RNF13: variants seen among roughly 807,000 people sequenced by gnomAD.
RNF13 encodes ring finger protein 13.
Under a neutral mutation model 37.7 loss-of-function variants are expected in RNF13, and 19 were observed. The observed-to-expected ratio is 0.50, with a 90% CI of 0.35 to 0.74. RNF13 has a LOEUF of 0.74. Ranked by LOEUF, RNF13 falls within the 30% of genes least tolerant of loss-of-function variation. The pLI is 0.01. For synonymous variants in RNF13, 144 were observed against 157.8 expected, an observed-to-expected ratio of 0.91 and a Z score of 0.65; for missense variants, 375 against 453.0, an observed-to-expected ratio of 0.83 and a Z score of 1.56.
chr3:149,939,206 CTT>C (rs1720003563), intron 8 of RNF13: 1 of 515,658 alleles, frequency 1.9e-6, no homozygotes, highest in African/African-American at 2.0e-5. Flanking sequence ...TCTGATTTGA[CTT>C]CTGTGCATTT....
intron 1 of RNF13, among the ~76,000 whole-genome samples, chr3:149,814,594 C>T (rs909779032): frequency 2.0e-5 from 3 of 152,022 alleles, no homozygotes; most frequent in African/African-American, 7.3e-5. Context: ...TACCAGAGGA[C>T]ATTGTATGGA....
intron 3 of RNF13, among the ~76,000 whole-genome samples, chr3:149,853,482 GA>G (rs1723336216): frequency 6.6e-6 from 1 of 151,386 alleles, no homozygotes; most frequent in Non-Finnish European, 1.5e-5. Context: ...GAGAGAGAGA[GA>G]GAGAGAGAGA....
chr3:149,947,439 C>T (rs1266013331), intron 8 of RNF13, among the ~76,000 whole-genome samples: 2 of 150,080 alleles, frequency 1.3e-5, no homozygotes, highest in Non-Finnish European at 3.0e-5. Flanking sequence ...GAGTTTCGCT[C>T]TTTTGCCCAA....
chr3:149,830,837 A>G (rs1255779819), intron 1 of RNF13, among the ~76,000 whole-genome samples: 2 of 152,250 alleles, frequency 1.3e-5, no homozygotes, highest in African/African-American at 2.4e-5. Flanking sequence ...CTAGGAGGAA[A>G]AAATGGCTTG....
intron 1 of RNF13, among the ~76,000 whole-genome samples, chr3:149,844,988 G>C (rs1368450644): frequency 6.6e-6 from 1 of 151,842 alleles, no homozygotes; most frequent in Non-Finnish European, 1.5e-5. Context: ...CAATCCCTAG[G>C]CAACCACTAA....
intron 7 of RNF13, among the ~76,000 whole-genome samples, chr3:149,917,033 C>T (rs953626930): frequency 7.2e-5 from 11 of 152,064 alleles, no homozygotes; most frequent in Non-Finnish European, 2.9e-5. Flanking sequence ...GTTTCTTTAT[C>T]ACTCTTAATG....
intron 4 of RNF13, among the ~76,000 whole-genome samples, chr3:149,893,030 A>C (rs1471741378): frequency 6.6e-6 from 1 of 152,224 alleles, no homozygotes; most frequent in East Asian, 1.9e-4. Context: ...CCAGTTCTAC[A>C]CAGGGTCAAG....
At position 149,929,909 on chromosome 3, in the gene RNF13, G is replaced by A. The variant is rs114744105; in HGVS notation, c.700+8682G>A. Reference sequence around the variant, plus strand: ...TCTATTCTTTCACCAGTACCACACCGCCTTGATTACTGTACTTTTGTTTTG... The same window carrying A: ...TCTATTCTTTCACCAGTACCACACCACCTTGATTACTGTACTTTTGTTTTG... On this transcript the variant is annotated intron_variant, in intron 8 of 9. Coordinates refer to ENST00000392894, the MANE Select transcript of RNF13 (RefSeq NM_183381.3). Among the ~76,000 whole-genome samples, 1,430 of 152,142 alleles carry A rather than the reference G, an allele frequency of 9.4e-3. 8 individuals carry two copies. Among genetic ancestry groups the A allele is most frequent in the Middle Eastern group, 0.031 (9 of 294 alleles).
At chr3:149,871,847 A>T (rs1213813479) in intron 3 of RNF13, among the ~76,000 whole-genome samples, 182 bp from the exon 4 acceptor site, 7 of 152,154 alleles carry the variant, frequency 4.6e-5, no homozygotes, top group Non-Finnish European at 1.5e-5. Context: ...ATTTTAGAAA[A>T]CTAAATGCTT....
chr3:149,870,830 A>G (rs1381518472), intron 3 of RNF13, among the ~76,000 whole-genome samples: 1 of 151,782 alleles, frequency 6.6e-6, no homozygotes, highest in African/African-American at 2.4e-5. Flanking sequence ...AATTTCAGGG[A>G]GGAGAAATTG....
At chr3:149,932,638 T>G (rs1218388779) in intron 8 of RNF13, among the ~76,000 whole-genome samples, 1 of 152,168 alleles carries the variant, frequency 6.6e-6, no homozygotes, top group Non-Finnish European at 1.5e-5. Flanking sequence ...AGTTTAAAGC[T>G]CCAACATAAT....
At position 149,961,458 on chromosome 3, in the gene RNF13, C is replaced by T. The variant is rs1043642; in HGVS notation, c.*354C>T. The T allele has an allele frequency of 0.11, 46,999 of 419,174 alleles. 2,542 individuals carry two copies. Among genetic ancestry groups the T allele is most frequent in the South Asian group, 0.13 (7,126 of 54,842 alleles). The allele number at this position is 419,174 out of a possible 1,614,324, so 26.0% of individuals were successfully genotyped here. On this transcript the variant is annotated 3_prime_UTR_variant, in exon 10 of 10. Transcript: ENST00000392894. ...ATACATGAGGTCAGTGCTACAGCCA[C>T]CTAGCATGAACTAACCCAGCTTCCA...
At chr3:149,879,307 A>ATTTT (rs3028508) in intron 4 of RNF13, among the ~76,000 whole-genome samples, 6 of 137,414 alleles carry the variant, frequency 4.4e-5, no homozygotes, top group African/African-American at 1.1e-4. Context: ...TTATCAGGTA[A>ATTTT]TTTTTTTTTT....
intron 5 of RNF13, among the ~76,000 whole-genome samples, chr3:149,897,192 T>G: frequency 6.6e-6 from 1 of 152,260 alleles, no homozygotes; most frequent in East Asian, 1.9e-4. Context: ...TGGATAGGCC[T>G]GAATTCGAAA....
At chr3:149,880,847 C>T (rs1713307092) in intron 4 of RNF13, among the ~76,000 whole-genome samples, 1 of 151,960 alleles carries the variant, frequency 6.6e-6, no homozygotes. Context: ...TTTCTGATTG[C>T]CAACAACCTA....
chr3:149,851,789 G>A (rs1466209800), intron 2 of RNF13: 1 of 152,008 alleles, frequency 6.6e-6, no homozygotes, highest in African/African-American at 2.4e-5. Flanking sequence ...CTTGCTCTCT[G>A]TATAGCAAAT....
chr3:149,922,780 G>A (rs1261947913), intron 8 of RNF13, among the ~76,000 whole-genome samples: 1 of 152,084 alleles, frequency 6.6e-6, no homozygotes, highest in African/African-American at 2.4e-5. Flanking sequence ...ATATCACATA[G>A]CCAGTATTGA....
intron 1 of RNF13, among the ~76,000 whole-genome samples, chr3:149,819,163 C>G (rs1719781862): frequency 6.6e-6 from 1 of 152,154 alleles, no homozygotes; most frequent in African/African-American, 2.4e-5. Context: ...TAAAATATCT[C>G]TTGCACTAAT....
intron 6 of RNF13, among the ~76,000 whole-genome samples, chr3:149,907,010 C>T (rs1716484212): frequency 1.3e-5 from 2 of 152,068 alleles, no homozygotes; most frequent in Admixed American, 1.3e-4. Flanking sequence ...GTGAGATAAA[C>T]ATTTCTTGTT....
Sources: gnomAD v4.1 joint callset for allele counts (sites outside exome capture counted in the v4.1 genomes callset) on GRCh38, gnomAD v4.1.1 for gene constraint, MANE v1.5 for transcripts, NCBI Gene and HGNC (gene_info 2026-07-23, HGNC 2026-07-21) for gene names.